Variants in AK8 observed in about 807,000 individuals in gnomAD.
The protein encoded by AK8 is ATP-AMP transphosphorylase 8.
A neutral mutation model predicts 54.6 loss-of-function variants in AK8; 44 were observed. The observed-to-expected ratio is 0.81, with a 90% CI of 0.63 to 1.04. The LOEUF is 1.04. AK8 is among the 50% of genes least tolerant of loss of function. The pLI is 0.00. For synonymous variants in AK8, 239 were observed against 245.6 expected (o/e 0.97, Z 0.25); for missense variants, 555 against 613.6 (o/e 0.90, Z 1.01).
At chr9:132,856,334 C>A (rs775160833) in intron 4 of AK8, among the ~76,000 whole-genome samples, 4 of 152,226 alleles carry the variant, frequency 2.6e-5, no homozygotes, top group Admixed American at 1.3e-4. Context: ...CTGCTCCTGG[C>A]GGCTGCGATA....
intron 11 of AK8, among the ~76,000 whole-genome samples, chr9:132,755,379 C>T (rs913986988): frequency 4.6e-5 from 7 of 152,158 alleles, no homozygotes; most frequent in Non-Finnish European, 1.0e-4. Flanking sequence ...CGCCTCGACC[C>T]GTCCCACCTG....
chr9:132,810,722 A>G (rs1430757429), intron 10 of AK8, among the ~76,000 whole-genome samples: 5 of 152,102 alleles, frequency 3.3e-5, no homozygotes, highest in Admixed American at 3.3e-4. Context: ...CTCATAAAAA[A>G]CCAACATCCT....
At chr9:132,784,338 G>T (rs1416254950) in intron 11 of AK8, among the ~76,000 whole-genome samples, 14 of 152,184 alleles carry the variant, frequency 9.2e-5, no homozygotes, top group African/African-American at 2.2e-4. Flanking sequence ...GGCCAACATG[G>T]TGAAACCCTG....
intron 1 of AK8, among the ~76,000 whole-genome samples, chr9:132,876,103 G>C (rs1229851345): frequency 6.6e-6 from 1 of 152,192 alleles, no homozygotes; most frequent in African/African-American, 2.4e-5. Context: ...TGGAGTGAAG[G>C]GAGTGTGGGG....
chr9:132,877,907 G>T (rs1317923308), intron 1 of AK8: 6 of 790,208 alleles, frequency 7.6e-6, no homozygotes, highest in Admixed American at 2.0e-5. Flanking sequence ...GCCCGCTGGC[G>T]GCACAGCCAG....
rs1172663381 is a variant in AK8 at position 132,727,512 on chromosome 9, A to G, written c.1144T>C (p.Phe382Leu). Residue 382 changes from phenylalanine to leucine, a missense_variant, in exon 12 of 13, where the codon TTT becomes CTT. Coordinates refer to ENST00000298545, the MANE Select transcript of AK8 (RefSeq NM_152572.3). ...PNRVFFLNVP[F>L]DSIMERLTLR... ...GTCAGCCGCTCCATGATGGAATCAA[A>G]TGGCACATTCAGGAAAAACACCCTA... 2 of 1,614,048 alleles carry G rather than the reference A, an allele frequency of 1.2e-6. No homozygotes were observed. The highest frequency in any genetic ancestry group is 3.3e-5 in the Admixed American group (2 of 60,022).
chr9:132,875,071 G>T, intron 2 of AK8, 44 bp downstream of exon 2: 1 of 1,610,886 alleles, frequency 6.2e-7, no homozygotes, highest in Non-Finnish European at 8.5e-7. Context: ...GGAGGAGGAG[G>T]GGAAGGGAAG....
chr9:132,867,716 G>A (rs1306132011), intron 2 of AK8, among the ~76,000 whole-genome samples: 1 of 152,228 alleles, frequency 6.6e-6, no homozygotes, highest in Non-Finnish European at 1.5e-5. Context: ...AGATTCAGTG[G>A]CCCTTTCTCT....
At position 132,770,647 on chromosome 9, in the gene AK8, G is replaced by C. The variant is rs1838928153; in HGVS notation, c.1121+21987C>G. On this transcript the variant is annotated intron_variant, in intron 11 of 12. Coordinates refer to ENST00000298545, the MANE Select transcript of AK8 (RefSeq NM_152572.3). This position sits in a 1 kb window ranked among gnomAD's most constrained non-coding sequence, Gnocchi z 4.3. ...AACAGAGACCTGGGGCAGCGCGGTG[G>C]GCAGCGGGCTGGGCCGAGATCGAGA... Among the ~76,000 whole-genome samples the C allele has an allele frequency of 6.6e-6, 1 of 152,166 alleles. No homozygotes were observed. Among genetic ancestry groups the C allele is most frequent in the African/African-American group, 2.4e-5 (1 of 41,450 alleles).
intron 7 of AK8, 167 bp downstream of exon 7, chr9:132,827,846 T>A: frequency 3.2e-6 from 2 of 632,222 alleles, no homozygotes; most frequent in African/African-American, 1.9e-5. Context: ...TACCAGAATG[T>A]ACCCTTGCCA....
chr9:132,809,372 C>T (rs753823203), intron 10 of AK8, among the ~76,000 whole-genome samples: 4 of 152,186 alleles, frequency 2.6e-5, no homozygotes, highest in Non-Finnish European at 5.9e-5. Flanking sequence ...AAGCTGAATT[C>T]CACTGTTCCC....
chr9:132,855,062 C>A, intron 4 of AK8, 137 bp from the exon 5 acceptor site: 1 of 773,648 alleles, frequency 1.3e-6, no homozygotes, highest in African/African-American at 1.7e-5. Context: ...CCTTCCTCCA[C>A]CCGCTGCACC....
At chr9:132,873,836 G>A (rs1170174656) in intron 2 of AK8, among the ~76,000 whole-genome samples, 1 of 152,174 alleles carries the variant, frequency 6.6e-6, no homozygotes, top group Non-Finnish European at 1.5e-5. Context: ...CAGGAGCGCA[G>A]GGTAGGCTTA....
intron 10 of AK8, among the ~76,000 whole-genome samples, chr9:132,804,327 G>T (rs987963335): frequency 1.3e-5 from 2 of 152,152 alleles, no homozygotes; most frequent in African/African-American, 2.4e-5. Flanking sequence ...CTCAGCCCTT[G>T]AAGCAGCCGG....
chr9:132,816,165 C>T (rs540230729), intron 9 of AK8, among the ~76,000 whole-genome samples: 57 of 152,064 alleles, frequency 3.7e-4, no homozygotes, highest in African/African-American at 1.3e-3. Flanking sequence ...ACCAGCCTGG[C>T]CAATATGGTG....
rs537148269 is a variant in AK8, at chr9:132,791,719, C to A, written c.1121+915G>T. On this transcript the variant is annotated intron_variant, in intron 11 of 12. Transcript: ENST00000298545. The surrounding 1 kb of genome is among the most constrained non-coding windows in gnomAD (Gnocchi z 4.0). Reference sequence around the variant, plus strand: ...ACACACAGTTTGATGATGGTCAGACCATATATAAAAAGAGAACTGGAACCC... The same window carrying A: ...ACACACAGTTTGATGATGGTCAGACAATATATAAAAAGAGAACTGGAACCC... Among the ~76,000 whole-genome samples the A allele has an allele frequency of 6.6e-6, 1 of 152,186 alleles. No individual in the cohort carries two copies. The highest frequency in any genetic ancestry group is 1.5e-5 in the Non-Finnish European group (1 of 68,004).
intron 5 of AK8, among the ~76,000 whole-genome samples, chr9:132,839,193 C>T (rs118055480): frequency 0.025 from 3,800 of 152,318 alleles, 123 homozygotes; most frequent in Admixed American, 0.027. Context: ...ATCCACCCGC[C>T]TAGGCCTCCC....
chr9:132,839,829 G>GGT lies in AK8; in HGVS notation c.403-11104_403-11103insAC, dbSNP rs1478901230. Among the ~76,000 whole-genome samples, 55 of 147,396 alleles carry GGT rather than the reference G, an allele frequency of 3.7e-4. 3 individuals are homozygous for GGT. The highest frequency in any genetic ancestry group is 1.4e-3 in the African/African-American group (55 of 39,388). ...AAAACATTTTTTTTGCCGGGGGGGG[G>GGT]GGCGCAGGGACGGAGCCTTGCTCTG... On this transcript the variant is annotated intron_variant, in intron 5 of 12. Transcript: ENST00000298545.
chr9:132,824,924 G>A (rs538216796), intron 8 of AK8, among the ~76,000 whole-genome samples: 8 of 152,278 alleles, frequency 5.3e-5, no homozygotes, highest in African/African-American at 1.9e-4. Flanking sequence ...TGAGGGTTGC[G>A]TTATTCATGT....
Sources: gnomAD v4.1 joint callset for allele counts (sites outside exome capture counted in the v4.1 genomes callset) on GRCh38, gnomAD v4.1.1 for gene constraint, Gnocchi (gnomAD v3.1) non-coding constraint, MANE v1.5 for transcripts, NCBI Gene and HGNC (gene_info 2026-07-23, HGNC 2026-07-21) for gene names.